PLEKHA5: variants seen among roughly 807,000 people sequenced by gnomAD.
PLEKHA5 encodes pleckstrin homology domain containing A5.
Under a neutral mutation model 181.9 loss-of-function variants are expected in PLEKHA5, and 55 were observed. The ratio of observed to expected loss-of-function variants is 0.30; its 90% CI spans 0.24 to 0.38. The LOEUF (loss-of-function observed/expected upper bound fraction) is 0.38, where lower values mean the gene tolerates loss of function less well. Ranked by LOEUF, PLEKHA5 falls within the 10% of genes least tolerant of loss-of-function variation. PLEKHA5 has a pLI of 1.00. For synonymous variants in PLEKHA5, 535 were observed against 529.4 expected, an observed-to-expected ratio of 1.01 and a Z score of -0.15; for missense variants, 1,432 against 1,549.5, an observed-to-expected ratio of 0.92 and a Z score of 1.27.
intron 3 of PLEKHA5, among the ~76,000 whole-genome samples, chr12:19,161,072 G>A (rs1166903869): frequency 2.0e-5 from 3 of 152,088 alleles, no homozygotes; most frequent in African/African-American, 7.2e-5. Context: ...GTAAATCTGA[G>A]TTTTTAGAAG....
chr12:19,323,762 G>GC (rs1166375251), intron 20 of PLEKHA5, among the ~76,000 whole-genome samples: 1 of 148,656 alleles, frequency 6.7e-6, no homozygotes, highest in Non-Finnish European at 1.5e-5. Flanking sequence ...GTTGCAGTGA[G>GC]CCAAGATCAT....
At chr12:19,251,598 A>T (rs1365065104) in intron 3 of PLEKHA5, among the ~76,000 whole-genome samples, 1 of 151,950 alleles carries the variant, frequency 6.6e-6, no homozygotes, top group Non-Finnish European at 1.5e-5. Context: ...AGAGTCTCTC[A>T]CAGATAAAAT....
intron 3 of PLEKHA5, chr12:19,176,302 T>C (rs1322283285): frequency 6.6e-6 from 1 of 150,962 alleles, no homozygotes; most frequent in Non-Finnish European, 1.5e-5. Flanking sequence ...GATGGAGCCT[T>C]ATTATATGCC....
At chr12:19,166,130 C>A (rs2044311511) in intron 3 of PLEKHA5, among the ~76,000 whole-genome samples, 2 of 152,024 alleles carry the variant, frequency 1.3e-5, no homozygotes, top group South Asian at 4.1e-4. Flanking sequence ...ATTATGCTGC[C>A]TCTCATAATG....
At chr12:19,288,913 G>C (rs886441973) in intron 13 of PLEKHA5, among the ~76,000 whole-genome samples, 2 of 152,148 alleles carry the variant, frequency 1.3e-5, no homozygotes, top group Admixed American at 6.6e-5. Context: ...TCTAAATAAA[G>C]TTATTGGTAT....
intron 3 of PLEKHA5, among the ~76,000 whole-genome samples, chr12:19,138,392 G>A (rs2036289518): frequency 6.6e-6 from 1 of 151,844 alleles, no homozygotes; most frequent in Non-Finnish European, 1.5e-5. Flanking sequence ...GGCTAACATG[G>A]TAAAACCCTG....
At chr12:19,265,884 C>T in intron 8 of PLEKHA5, 34 bp downstream of exon 8, 3 of 1,192,474 alleles carry the variant, frequency 2.5e-6, no homozygotes, top group Non-Finnish European at 3.7e-6. Flanking sequence ...ATTCTGTGTT[C>T]AAAACTTGCG....
intron 3 of PLEKHA5, among the ~76,000 whole-genome samples, chr12:19,184,726 T>A (rs2049415408): frequency 6.6e-6 from 1 of 152,208 alleles, no homozygotes; most frequent in Admixed American, 6.5e-5. Context: ...GGTTTTGAGA[T>A]CTACATTTGG....
chr12:19,172,774 T>C (rs1432988324), intron 3 of PLEKHA5, among the ~76,000 whole-genome samples: 1 of 152,038 alleles, frequency 6.6e-6, no homozygotes, highest in Non-Finnish European at 1.5e-5. Flanking sequence ...ATAAATCAAA[T>C]TGGCTACAGT....
chr12:19,130,945 T>C lies in PLEKHA5; in HGVS notation c.169+815T>C, dbSNP rs1035709684. On this transcript the variant is annotated intron_variant, in intron 2 of 31. Coordinates refer to ENST00000429027, the MANE Select transcript of PLEKHA5 (RefSeq NM_001256470.2). This position sits in a 1 kb window ranked among gnomAD's most constrained non-coding sequence, Gnocchi z 4.5. Reference sequence around the variant, plus strand: ...GCACCCGGGCCCTGTTTGGAGGGAGTCCGTGGGGAAGCGGCTCTCTCGGGT... The same window carrying C: ...GCACCCGGGCCCTGTTTGGAGGGAGCCCGTGGGGAAGCGGCTCTCTCGGGT... 1.3e-5 allele frequency: 2 copies of C among 152,236 alleles called. No homozygotes were observed. 9.4% of individuals were successfully genotyped at this position (152,236 alleles called of 1,614,324 possible).
chr12:19,155,178 C>G (rs897320278), intron 3 of PLEKHA5, among the ~76,000 whole-genome samples: 3 of 152,164 alleles, frequency 2.0e-5, no homozygotes, highest in African/African-American at 7.2e-5. Flanking sequence ...TCAGGAAGGT[C>G]ATTATCACTA....
In PLEKHA5 at chr12:19,166,025, A is replaced by G. The variant is rs949608383; in HGVS notation, c.227+33575A>G. 1.4e-4 allele frequency among the ~76,000 whole-genome samples: 22 copies of G among 152,312 alleles called. No homozygotes were observed. The East Asian group carries it at 3.1e-3, about 21-fold the overall frequency. ...ACTTCATTTCATTTTATAGATGGCA[A>G]CTGAGGCAAAAAGAAGGCAGTAACT... On this transcript the variant is annotated intron_variant, in intron 3 of 31. Coordinates refer to ENST00000429027, the MANE Select transcript of PLEKHA5 (RefSeq NM_001256470.2).
intron 28 of PLEKHA5, among the ~76,000 whole-genome samples, chr12:19,360,042 C>T (rs1203891960): frequency 6.6e-6 from 1 of 151,106 alleles, no homozygotes; most frequent in East Asian, 2.0e-4. Context: ...TCAAGATATG[C>T]ATTAATTGAC....
intron 8 of PLEKHA5, 60 bp downstream of exon 8, chr12:19,265,910 A>T (rs2070190990): frequency 3.6e-6 from 3 of 832,110 alleles, no homozygotes; most frequent in East Asian, 5.0e-5. Flanking sequence ...TAAAATGGAT[A>T]TTGAGCCATA....
intron 7 of PLEKHA5, 42 bp from the exon 8 acceptor site, chr12:19,265,708 A>G (rs2070135896): frequency 2.6e-6 from 3 of 1,160,302 alleles, no homozygotes; most frequent in Non-Finnish European, 3.8e-6. Flanking sequence ...TTGCTTCATA[A>G]GAACATTTAA....
intron 3 of PLEKHA5, among the ~76,000 whole-genome samples, chr12:19,231,865 G>T (rs899251111): frequency 1.3e-5 from 2 of 151,916 alleles, no homozygotes; most frequent in African/African-American, 4.8e-5. Context: ...TGATTAAGAT[G>T]AAAATGTAAA....
At chr12:19,177,824 C>T (rs534340714) in intron 3 of PLEKHA5, among the ~76,000 whole-genome samples, 1 of 152,280 alleles carries the variant, frequency 6.6e-6, no homozygotes, top group East Asian at 1.9e-4. Context: ...GGTGATTTCC[C>T]TACTCAAAAA....
chr12:19,297,626 C>G (rs2080221043), intron 15 of PLEKHA5, among the ~76,000 whole-genome samples: 1 of 116,160 alleles, frequency 8.6e-6, no homozygotes, highest in Non-Finnish European at 1.7e-5. Context: ...GAGGCTCCGT[C>G]TCAAAAAAAA....
chr12:19,285,680 G>A (rs570840076), intron 12 of PLEKHA5, among the ~76,000 whole-genome samples: 68 of 152,268 alleles, frequency 4.5e-4, no homozygotes, highest in African/African-American at 1.4e-3. Context: ...AGTGGTCATT[G>A]TAGCCCTCCC....
Sources: gnomAD v4.1 joint callset for allele counts (sites outside exome capture counted in the v4.1 genomes callset) on GRCh38, gnomAD v4.1.1 for gene constraint, Gnocchi (gnomAD v3.1) non-coding constraint, MANE v1.5 for transcripts, NCBI Gene and HGNC (gene_info 2026-07-23, HGNC 2026-07-21) for gene names.